The following PCDHGA3 variants were observed in gnomAD, a reference collection of about 807,000 sequenced individuals.
PCDHGA3 encodes protocadherin gamma subfamily A, 3.
A neutral mutation model predicts 58.5 loss-of-function variants in PCDHGA3; 40 were observed. The ratio of observed to expected loss-of-function variants is 0.68; its 90% confidence interval spans 0.53 to 0.89. The LOEUF (loss-of-function observed/expected upper bound fraction) is 0.89. Ranked by LOEUF, PCDHGA3 falls within the 40% of genes least tolerant of loss-of-function variation. PCDHGA3 has a pLI of 0.00. For missense variants in PCDHGA3, 1,223 were observed against 1,195.9 expected, an observed-to-expected ratio of 1.02 and a Z score of -0.33; for synonymous variants, 530 against 525.7, an observed-to-expected ratio of 1.01 and a Z score of -0.11.
intron 1 of PCDHGA3, among the ~76,000 whole-genome samples, chr5:141,445,793 CAG>C (rs1466260011): frequency 6.6e-6 from 1 of 152,132 alleles, no homozygotes; most frequent in Admixed American, 6.5e-5. Context: ...AGGCTAGAAA[CAG>C]AAAATAAATA....
rs753294833 is a variant in PCDHGA3, at chr5:141,350,229, A to G, written c.2424+3772A>G. On this transcript the variant is annotated intron_variant, in intron 1 of 3. Coordinates refer to ENST00000253812, the MANE Select transcript of PCDHGA3 (RefSeq NM_018916.4). ...GCCATTTCTTTTTGAAAAACATCCC[A>G]GAGGAAAGAAGCTCCGCGGAGAGTT... is the stretch of plus-strand genomic sequence containing the variant. 2.0e-6 allele frequency: 3 copies of G among 1,500,888 alleles called. No individual in the cohort carries two copies. In the East Asian group the frequency reaches 6.9e-5, roughly 34 times the overall value. The allele number at this position is 1,500,888 out of a possible 1,614,324, so 93.0% of individuals were successfully genotyped here.
At position 141,487,147 on chromosome 5, in the gene PCDHGA3, T is replaced by C; in HGVS notation, c.2425-7660T>C. 1 of 1,614,122 alleles carries C rather than the reference T, an allele frequency of 6.2e-7. No individual in the cohort carries two copies. Among genetic ancestry groups the C allele is most frequent in the Non-Finnish European group, 8.5e-7 (1 of 1,179,952 alleles). On this transcript the variant is annotated intron_variant, in intron 1 of 3. Transcript: ENST00000253812. This position sits in a 1 kb window ranked among gnomAD's most constrained non-coding sequence, Gnocchi z 5.0. ...GTGGTAGTCCACCACTCTCTACCTC[T>C]GTTACTCTCTTAGTGTCCTTAGAGG...
Position 141,476,836 on chromosome 5 carries a change from T to G in PCDHGA3, c.2425-17971T>G. 1 of 1,613,652 alleles carries G rather than the reference T, an allele frequency of 6.2e-7. No homozygotes were observed. The highest frequency in any genetic ancestry group is 8.5e-7 in the Non-Finnish European group (1 of 1,180,042). On this transcript the variant is annotated intron_variant, in intron 1 of 3. Coordinates refer to ENST00000253812, the MANE Select transcript of PCDHGA3 (RefSeq NM_018916.4). The surrounding 1 kb of genome is among the most constrained non-coding windows in gnomAD (Gnocchi z 7.6). ...TCAAGGTGCTGGACGCGAATGACAATGCGCCTGTCTTCAACCAGTCCTTGT... is the reference window on the plus strand; with the variant it reads ...TCAAGGTGCTGGACGCGAATGACAAGGCGCCTGTCTTCAACCAGTCCTTGT...
rs749415234 is a variant in PCDHGA3, at chr5:141,419,462, C to A, written c.2424+73005C>A. On this transcript the variant is annotated intron_variant, in intron 1 of 3. Transcript: ENST00000253812. Reference sequence around the variant, plus strand: ...CACCTTCGAGCTCACGCTGCAGGCCCGCGACCAGGGCTCGCCCGCGCTCAG... The same window carrying A: ...CACCTTCGAGCTCACGCTGCAGGCCAGCGACCAGGGCTCGCCCGCGCTCAG... 2.5e-6 allele frequency: 4 copies of A among 1,612,582 alleles called. No homozygotes were observed. In the Admixed American group the frequency reaches 6.7e-5, roughly 27 times the overall value.
chr5:141,346,147 T>A lies in PCDHGA3; in HGVS notation c.2114T>A (p.Leu705Gln). The part of the protein sequence containing the change: ...VAVAAVSCVF[L>Q]AFVIVLLALR... ...GTGGCCGCGGTCTCCTGCGTCTTCCTGGCCTTCGTCATCGTGCTGCTGGCG... is the reference window on the plus strand; with the variant it reads ...GTGGCCGCGGTCTCCTGCGTCTTCCAGGCCTTCGTCATCGTGCTGCTGGCG... Residue 705 changes from leucine to glutamine, a missense_variant, in exon 1 of 4, where the codon CTG becomes CAG. Leu to Gln is a moderately radical substitution (Grantham distance 113). This residue lies in a region of PCDHGA3 where 325 missense variants were observed against 327.5 expected (regional missense o/e 0.99). Transcript: ENST00000253812. 1.2e-6 allele frequency: 2 copies of A among 1,614,016 alleles called. No homozygotes were observed. The highest frequency in any genetic ancestry group is 1.7e-6 in the Non-Finnish European group (2 of 1,179,934).
intron 1 of PCDHGA3, chr5:141,382,596 AATTTTCT>A (rs1778321594): frequency 3.9e-6 from 1 of 254,502 alleles, no homozygotes; most frequent in Non-Finnish European, 7.4e-6. Flanking sequence ...AAGATGAAAC[AATTTTCT>A]ATGAAATCAG....
rs376221362 is a variant in PCDHGA3, at chr5:141,389,239, A to G, written c.2424+42782A>G. 8.2e-5 allele frequency: 132 copies of G among 1,614,008 alleles called. No homozygotes were observed. The highest frequency in any genetic ancestry group is 6.6e-4 in the Middle Eastern group (4 of 6,062). ...AATGACAACGCTCCGGTTTTCTCAC[A>G]GTCTTCCTATATAGTCCACGTGGCC... On this transcript the variant is annotated intron_variant, in intron 1 of 3. Coordinates refer to ENST00000253812, the MANE Select transcript of PCDHGA3 (RefSeq NM_018916.4).
chr5:141,486,211 T>C lies in PCDHGA3; in HGVS notation c.2425-8596T>C, dbSNP rs779905477. On this transcript the variant is annotated intron_variant, in intron 1 of 3. Coordinates refer to ENST00000253812, the MANE Select transcript of PCDHGA3 (RefSeq NM_018916.4). The surrounding 1 kb of genome is among the most constrained non-coding windows in gnomAD (Gnocchi z 5.0). ...TGGATCTGCTGGACGTAAATGACAA[T>C]GCCCCTTACATCACAGTGACCTCAG... 6.2e-7 allele frequency: 1 copy of C among 1,614,142 alleles called. No homozygotes were observed. Among genetic ancestry groups the C allele is most frequent in the Non-Finnish European group, 8.5e-7 (1 of 1,180,024 alleles).
At chr5:141,470,132 A>G (rs1411735203) in intron 1 of PCDHGA3, among the ~76,000 whole-genome samples, 1 of 151,586 alleles carries the variant, frequency 6.6e-6, no homozygotes, top group East Asian at 1.9e-4. Context: ...TCGTCTCAAA[A>G]AAAAAGATCA....
chr5:141,351,540 C>T (rs1371036376), intron 1 of PCDHGA3: 2 of 1,614,024 alleles, frequency 1.2e-6, no homozygotes, highest in Non-Finnish European at 8.5e-7. Context: ...GGCAAACCAG[C>T]CCTTTCCTCC....
At chr5:141,358,924 A>T (rs1466398960) in intron 1 of PCDHGA3, among the ~76,000 whole-genome samples, 1 of 152,216 alleles carries the variant, frequency 6.6e-6, no homozygotes, top group African/African-American at 2.4e-5. Context: ...TGTGTAGGGG[A>T]TATACAACAC....
intron 1 of PCDHGA3, chr5:141,379,054 G>A (rs969073480): frequency 6.6e-5 from 10 of 152,204 alleles, no homozygotes; most frequent in Admixed American, 5.2e-4. Context: ...TTATAGAATG[G>A]ATTGGCCACT....
intron 1 of PCDHGA3, chr5:141,352,508 CTA>C: frequency 6.2e-7 from 1 of 1,614,022 alleles, no homozygotes; most frequent in African/African-American, 1.3e-5. Context: ...TTCCTACAAT[CTA>C]TGTATTGCCT....
At chr5:141,366,858 A>G (rs1764831423) in intron 1 of PCDHGA3, 1 of 1,440,284 alleles carries the variant, frequency 6.9e-7, no homozygotes, top group Admixed American at 2.3e-5. Context: ...GTGGAACATT[A>G]TTTGCTGTAT....
chr5:141,499,689 CTTTTTTTTT>C (rs545067566), intron 2 of PCDHGA3, among the ~76,000 whole-genome samples: 2 of 119,856 alleles, frequency 1.7e-5, no homozygotes, highest in African/African-American at 6.2e-5. Flanking sequence ...TAACAGATGA[CTTTTTTTTT>C]TTTTTTTTTT....
intron 1 of PCDHGA3, among the ~76,000 whole-genome samples, chr5:141,457,755 A>G (rs1011599369): frequency 2.0e-5 from 3 of 152,226 alleles, no homozygotes; most frequent in African/African-American, 4.8e-5. Flanking sequence ...GAGCCCAGAC[A>G]TGGGTTTGTA....
intron 1 of PCDHGA3, chr5:141,422,139 A>C: frequency 1.9e-6 from 3 of 1,588,154 alleles, no homozygotes; most frequent in Non-Finnish European, 2.6e-6. Context: ...AAGTTCAAGT[A>C]CGGGGGTCTC....
At chr5:141,366,655 C>G in intron 1 of PCDHGA3, 2 of 1,614,220 alleles carry the variant, frequency 1.2e-6, no homozygotes, top group Non-Finnish European at 1.7e-6. Context: ...AGCCCAACTA[C>G]GCAGACACGC....
At chr5:141,418,201 A>G (rs2096236241) in intron 1 of PCDHGA3, 1 of 1,614,020 alleles carries the variant, frequency 6.2e-7, no homozygotes, top group Non-Finnish European at 8.5e-7. Flanking sequence ...AAAATCCTTT[A>G]AATATTTTTC....
Sources: allele counts gnomAD v4.1 joint callset (sites outside exome capture counted in the v4.1 genomes callset), GRCh38; gene constraint gnomAD v4.1.1; regional missense constraint gnomAD v4.1.1; non-coding constraint Gnocchi (gnomAD v3.1); transcripts MANE v1.5; gene names NCBI Gene and HGNC (gene_info 2026-07-23, HGNC 2026-07-21).